RPRD2: variants seen among roughly 807,000 people sequenced by gnomAD.
RPRD2 encodes regulation of nuclear pre-mRNA domain-containing protein 2.
Under a neutral mutation model 104.4 loss-of-function variants are expected in RPRD2, and 12 were observed. The observed-to-expected ratio is 0.11, with a 90% CI of 0.07 to 0.19. The LOEUF (loss-of-function observed/expected upper bound fraction) is 0.19, where lower values mean the gene tolerates loss of function less well. Among genes scored for constraint, RPRD2 ranks in the 10% least tolerant of loss-of-function variants. The pLI, the probability that RPRD2 is intolerant of heterozygous loss-of-function variation, is 1.00. For missense variants in RPRD2, 1,543 were observed against 1,790.1 expected (o/e 0.86, Z 2.49); for synonymous variants, 714 against 684.9 (o/e 1.04, Z -0.66).
rs1195431449 is a variant in RPRD2, at chr1:150,476,377, T to C, written c.*3043T>C. On this transcript the variant is annotated 3_prime_UTR_variant, in exon 11 of 11. Transcript: ENST00000369068. ...TTTGAAGCCGCTGTAAATTACTGCT[T>C]TCCCCAGTTCCCCCACTATTTTTTT... 1 of 152,204 alleles carries C rather than the reference T, an allele frequency of 6.6e-6. No homozygotes were observed. Among genetic ancestry groups the C allele is most frequent in the East Asian group, 1.9e-4 (1 of 5,200 alleles). 9.4% of individuals were successfully genotyped at this position (152,204 alleles called of 1,614,324 possible). A position where few individuals can be genotyped will look rare whatever the true frequency, so the allele number is the denominator to read the frequency against.
intron 1 of RPRD2, among the ~76,000 whole-genome samples, chr1:150,387,320 A>G (rs1226875231): frequency 6.6e-6 from 1 of 152,154 alleles, no homozygotes; most frequent in Non-Finnish European, 1.5e-5. Flanking sequence ...AGGGCCAATG[A>G]AAGAACCTTG....
chr1:150,445,917 A>C (rs942099895), intron 6 of RPRD2, among the ~76,000 whole-genome samples: 10 of 152,092 alleles, frequency 6.6e-5, no homozygotes, highest in African/African-American at 2.4e-4. Flanking sequence ...AAATACAAAA[A>C]ATTAGCTGGG....
In RPRD2 at chr1:150,471,342, T is replaced by TG; in HGVS notation, c.2394_2395insG (p.Pro799AlafsTer3). 1 of 1,613,434 alleles carries TG rather than the reference T, an allele frequency of 6.2e-7. No homozygotes were observed. The highest frequency in any genetic ancestry group is 1.3e-5 in the African/African-American group (1 of 74,840). ...GACCCTTTGGTCTGGGCAGTGAATC[T>TG]CCCTATAAGCAGCCTTCTGATGGAA... On this transcript the variant is annotated frameshift_variant, in exon 11 of 11. Transcript: ENST00000369068. LOFTEE classifies it high-confidence loss of function. The surrounding 1 kb of genome is among the most constrained non-coding windows in gnomAD (Gnocchi z 5.3).
intron 9 of RPRD2, 121 bp downstream of exon 9, chr1:150,460,438 C>A: frequency 1.9e-6 from 2 of 1,056,410 alleles, no homozygotes; most frequent in Non-Finnish European, 2.7e-6. Context: ...GAGTTTCGCT[C>A]TGTCTCCCAG....
Position 150,475,350 on chromosome 1 carries a change from G to T in RPRD2, c.*2016G>T, listed in dbSNP as rs1482711816. ...GTTTTTCATTCTAGAATAAAAGAAT[G>T]TGAATTCTCTTTGCTGCTCTTGTTT... is the stretch of plus-strand genomic sequence containing the variant. On this transcript the variant is annotated 3_prime_UTR_variant, in exon 11 of 11. Coordinates refer to ENST00000369068, the MANE Select transcript of RPRD2 (RefSeq NM_015203.5). 6.6e-6 allele frequency: 1 copy of T among 152,208 alleles called. No individual in the cohort carries two copies. The highest frequency in any genetic ancestry group is 2.4e-5 in the African/African-American group (1 of 41,394). 9.4% of individuals were successfully genotyped at this position (152,208 alleles called of 1,614,324 possible).
In RPRD2 at chr1:150,471,537, G is replaced by A. The variant is rs1240097135; in HGVS notation, c.2589G>A (p.Leu863=). The A allele has an allele frequency of 1.9e-6, 3 of 1,613,696 alleles. No homozygotes were observed. The highest frequency in any genetic ancestry group is 8.5e-7 in the Non-Finnish European group (1 of 1,179,884). The change falls in exon 11 of 11, where the codon CTG becomes CTA. Residue 863 remains leucine (L), a synonymous_variant. Coordinates refer to ENST00000369068, the MANE Select transcript of RPRD2 (RefSeq NM_015203.5). This position sits in a 1 kb window ranked among gnomAD's most constrained non-coding sequence, Gnocchi z 5.3. ...AATCTATCCTGAAATCAAGCAAGCTGTCTGATACCACCGAGTACCAGCCAA... is the reference window on the plus strand; with the variant it reads ...AATCTATCCTGAAATCAAGCAAGCTATCTGATACCACCGAGTACCAGCCAA... ...PAKSILKSSK[L]SDTTEYQPIL... is the part of the protein sequence containing the mutation.
Position 150,473,211 on chromosome 1 carries a change from T to A in RPRD2, c.4263T>A (p.Phe1421Leu). 2 of 1,613,978 alleles carry A rather than the reference T, an allele frequency of 1.2e-6. No individual in the cohort carries two copies. Among genetic ancestry groups the A allele is most frequent in the East Asian group, 2.2e-5 (1 of 44,862 alleles). The stretch of plus-strand genomic sequence containing the variant: ...TCTTACGGAGTCCCCGGCCAGACTT[T>A]CGGCCTAGGGAACCTTTTCTCAGCA... Reference protein sequence around the residue: ...GIILRSPRPDFRPREPFLSRD... With the variant: ...GIILRSPRPDLRPREPFLSRD... Residue 1421 changes from phenylalanine (F) to leucine (L), a missense_variant, in exon 11 of 11, where the codon TTT (phenylalanine) becomes TTA (leucine). Physicochemically the swap from Phe to Leu is conservative, Grantham distance 22. This residue lies in a region of RPRD2 where 880 missense variants were observed against 885.6 expected (regional missense o/e 0.99). Coordinates refer to ENST00000369068, the MANE Select transcript of RPRD2 (RefSeq NM_015203.5).
chr1:150,405,983 G>A (rs1418622430), intron 1 of RPRD2, among the ~76,000 whole-genome samples: 1 of 152,180 alleles, frequency 6.6e-6, no homozygotes, highest in Non-Finnish European at 1.5e-5. Flanking sequence ...AAGAAAAGCC[G>A]TTAAGTGCTT....
intron 1 of RPRD2, among the ~76,000 whole-genome samples, chr1:150,408,121 G>C (rs1227797398): frequency 7.0e-6 from 1 of 143,618 alleles, no homozygotes; most frequent in South Asian, 2.2e-4. Flanking sequence ...AACATAGAAA[G>C]TTTAGAAAAT....
chr1:150,401,828 A>G (rs1343659493), intron 1 of RPRD2, among the ~76,000 whole-genome samples: 1 of 151,516 alleles, frequency 6.6e-6, no homozygotes, highest in African/African-American at 2.4e-5. Context: ...TATTTTTAGT[A>G]GAGATGGGGT....
intron 1 of RPRD2, among the ~76,000 whole-genome samples, chr1:150,411,186 G>A (rs782075056): frequency 5.9e-5 from 9 of 152,262 alleles, no homozygotes; most frequent in East Asian, 3.9e-4. Flanking sequence ...TAGGCGGGGC[G>A]CAGTGGCTCA....
At chr1:150,376,243 C>A (rs1660679412) in intron 1 of RPRD2, among the ~76,000 whole-genome samples, 2 of 152,270 alleles carry the variant, frequency 1.3e-5, no homozygotes, top group Middle Eastern at 3.4e-3. Flanking sequence ...TCTCCCTCAT[C>A]TCTCTTTCTT....
In RPRD2 at chr1:150,475,921, T is replaced by C. The variant is rs1303296394; in HGVS notation, c.*2587T>C. Reference sequence around the variant, plus strand: ...TGTGTCTTAGCAAGGACATGATTCATATGGAAGCAGAATGTGAGAAGTTGT... The same window carrying C: ...TGTGTCTTAGCAAGGACATGATTCACATGGAAGCAGAATGTGAGAAGTTGT... On this transcript the variant is annotated 3_prime_UTR_variant, in exon 11 of 11. Transcript: ENST00000369068. 2.0e-5 allele frequency: 3 copies of C among 152,178 alleles called. No homozygotes were observed. Among genetic ancestry groups the C allele is most frequent in the South Asian group, 2.1e-4 (1 of 4,832 alleles). 9.4% of individuals were successfully genotyped at this position (152,178 alleles called of 1,614,324 possible). A position where few individuals can be genotyped will look rare whatever the true frequency, so the allele number is the denominator to read the frequency against.
intron 1 of RPRD2, among the ~76,000 whole-genome samples, chr1:150,415,574 A>G (rs1664272609): frequency 6.6e-6 from 1 of 151,816 alleles, no homozygotes; most frequent in Non-Finnish European, 1.5e-5. Flanking sequence ...AGTCCCAGCT[A>G]CTCGAGAGGC....
chr1:150,364,619 G>A lies in RPRD2; in HGVS notation c.-96G>A. 1.5e-6 allele frequency: 1 copy of A among 651,446 alleles called. No individual in the cohort carries two copies. Among genetic ancestry groups the A allele is most frequent in the African/African-American group, 1.8e-5 (1 of 54,344 alleles). 40.4% of individuals were successfully genotyped at this position (651,446 alleles called of 1,614,324 possible). A position where few individuals can be genotyped will look rare whatever the true frequency, so the allele number is the denominator to read the frequency against. ...CCCCCTAGCTTCCCTCCCCACCTAC[G>A]GCTTTCACGCACTCGCAGTGATTGT... On this transcript the variant is annotated 5_prime_UTR_variant, in exon 1 of 11. Transcript: ENST00000369068.
chr1:150,469,567 G>A (rs781567134), intron 10 of RPRD2, among the ~76,000 whole-genome samples: 10 of 152,082 alleles, frequency 6.6e-5, no homozygotes, highest in Non-Finnish European at 1.3e-4. Flanking sequence ...ATGAGCCACC[G>A]TGCCCAGCCA....
intron 1 of RPRD2, among the ~76,000 whole-genome samples, chr1:150,414,980 C>CAT (rs1553888313): frequency 2.0e-5 from 3 of 152,028 alleles, no homozygotes; most frequent in African/African-American, 7.2e-5. Context: ...GAGAGACGTG[C>CAT]ATATACATAT....
intron 1 of RPRD2, among the ~76,000 whole-genome samples, chr1:150,407,078 A>G (rs1663543546): frequency 6.6e-6 from 1 of 152,168 alleles, no homozygotes; most frequent in Non-Finnish European, 1.5e-5. Context: ...TGATGTCTCT[A>G]ATTTCTGTAT....
At chr1:150,456,540 G>A (rs1553897597) in intron 7 of RPRD2, among the ~76,000 whole-genome samples, 1 of 151,686 alleles carries the variant, frequency 6.6e-6, no homozygotes, top group Non-Finnish European at 1.5e-5. Context: ...GGCTGAGGTG[G>A]GAGGATCACT....
Sources: allele counts gnomAD v4.1 joint callset (sites outside exome capture counted in the v4.1 genomes callset), GRCh38; gene constraint gnomAD v4.1.1; regional missense constraint gnomAD v4.1.1; non-coding constraint Gnocchi (gnomAD v3.1); transcripts MANE v1.5; gene names NCBI Gene and HGNC (gene_info 2026-07-23, HGNC 2026-07-21).